The following HELLS variants were observed in gnomAD, a reference collection of about 807,000 sequenced individuals.
HELLS encodes the protein helicase, lymphoid specific, also known as lymphoid-specific helicase.
Under a neutral mutation model 120.0 loss-of-function variants are expected in HELLS, and 32 were observed. That is an observed-to-expected ratio of 0.27 (90% CI 0.20 to 0.36). The LOEUF is 0.36. HELLS is among the 10% of genes least tolerant of loss of function. HELLS has a pLI of 1.00. For missense variants in HELLS, 650 were observed against 993.4 expected, an observed-to-expected ratio of 0.65 and a Z score of 4.65; for synonymous variants, 341 against 323.4, an observed-to-expected ratio of 1.05 and a Z score of -0.58.
chr10:94,546,266 T>G, intron 1 of HELLS, 111 bp from the exon 2 acceptor site: 1 of 1,333,460 alleles, frequency 7.5e-7, no homozygotes, highest in South Asian at 1.2e-5. Context: ...CCCCTCGGTC[T>G]TCAGCTTTTG....
intron 10 of HELLS, among the ~76,000 whole-genome samples, chr10:94,577,994 C>G (rs898652582): frequency 7.1e-6 from 1 of 141,206 alleles, no homozygotes; most frequent in African/African-American, 2.6e-5. Context: ...ACCCGGGAAG[C>G]GGAGCTTGCA....
chr10:94,574,153 G>A lies in HELLS; in HGVS notation c.671G>A (p.Arg224Gln), dbSNP rs1466354150. Residue 224 changes from arginine to glutamine, a missense_variant, in exon 8 of 22, where the codon CGA (arginine) becomes CAA (glutamine). Transcript: ENST00000348459. ...QPKHFTGGVM[R>Q]WYQVEGMEWL... is the part of the protein sequence containing the mutation. Reference sequence around the variant, plus strand: ...AAGCACTTCACTGGAGGAGTGATGCGATGGTACCAAGTAGAAGGCATGGAA... The same window carrying A: ...AAGCACTTCACTGGAGGAGTGATGCAATGGTACCAAGTAGAAGGCATGGAA... 2.5e-6 allele frequency: 4 copies of A among 1,613,650 alleles called. No homozygotes were observed. Among genetic ancestry groups the A allele is most frequent in the Middle Eastern group, 1.6e-4 (1 of 6,080 alleles).
At chr10:94,577,676 C>T (rs1232707134) in intron 10 of HELLS, 1 of 152,214 alleles carries the variant, frequency 6.6e-6, no homozygotes, top group Admixed American at 6.6e-5. Context: ...CCAGTAATTC[C>T]AGCACTTGGG....
chr10:94,563,206 C>T (rs1455048976), intron 6 of HELLS, among the ~76,000 whole-genome samples: 1 of 152,030 alleles, frequency 6.6e-6, no homozygotes, highest in Non-Finnish European at 1.5e-5. Flanking sequence ...AGCGATTCTC[C>T]TGTCTCAGCC....
intron 15 of HELLS, among the ~76,000 whole-genome samples, chr10:94,591,971 A>G (rs1845510166): frequency 6.6e-6 from 1 of 152,202 alleles, no homozygotes; most frequent in South Asian, 2.1e-4. Flanking sequence ...TTCTTTCACA[A>G]TGACTTTGAG....
At position 94,592,594 on chromosome 10, in the gene HELLS, A is replaced by G. The variant is rs541958950; in HGVS notation, c.1971+80A>G. Reference sequence around the variant, plus strand: ...ATTTCTGAAGTAATATTCCAAATAGACCCACAAATTGATAAAAAGATAGAA... The same window carrying G: ...ATTTCTGAAGTAATATTCCAAATAGGCCCACAAATTGATAAAAAGATAGAA... On this transcript the variant is annotated intron_variant, in intron 17 of 21. Transcript: ENST00000348459. 19 of 944,220 alleles carry G rather than the reference A, an allele frequency of 2.0e-5. 1 individual carries two copies. In the South Asian group the frequency reaches 5.4e-4, roughly 27 times the overall value. 58.5% of individuals were successfully genotyped at this position (944,220 alleles called of 1,614,324 possible).
intron 10 of HELLS, among the ~76,000 whole-genome samples, chr10:94,577,890 T>C (rs926943875): frequency 6.6e-6 from 1 of 151,772 alleles, no homozygotes; most frequent in Non-Finnish European, 1.5e-5. Context: ...TGAAACCCCG[T>C]CTCTACTAAA....
chr10:94,595,227 CAAAAA>C (rs35805834), intron 19 of HELLS, among the ~76,000 whole-genome samples: 2 of 145,696 alleles, frequency 1.4e-5, no homozygotes, highest in Non-Finnish European at 3.0e-5. Flanking sequence ...GACTCTGTCT[CAAAAA>C]AAAAAATATT....
At chr10:94,585,944 A>G (rs1177735757) in intron 12 of HELLS, among the ~76,000 whole-genome samples, 2 of 152,118 alleles carry the variant, frequency 1.3e-5, no homozygotes, top group Admixed American at 6.6e-5. Flanking sequence ...TAGGAAAAAC[A>G]TATATAAATA....
chr10:94,563,559 T>C (rs1021752082), intron 6 of HELLS, among the ~76,000 whole-genome samples: 1 of 152,098 alleles, frequency 6.6e-6, no homozygotes, highest in Admixed American at 6.6e-5. Flanking sequence ...CAATCATGGC[T>C]CACTGCAGCC....
At position 94,573,990 on chromosome 10, in the gene HELLS, G is replaced by A; in HGVS notation, c.508G>A (p.Val170Met). 1.2e-6 allele frequency: 2 copies of A among 1,609,778 alleles called. No individual in the cohort carries two copies. Among genetic ancestry groups the A allele is most frequent in the Non-Finnish European group, 8.5e-7 (1 of 1,176,270 alleles). The change falls in exon 8 of 22, where the codon GTG (valine) becomes ATG (methionine). Residue 170 changes from valine to methionine, a missense_variant. Transcript: ENST00000348459. Reference protein sequence around the residue: ...DENSSSTNLCVEDLQKNKDSN... With the variant: ...DENSSSTNLCMEDLQKNKDSN... ...AAACTCCTCCTCTACTAATCTCTGTGTGGAAGATCTTCAGAAAAATAAAGA... is the reference window on the plus strand; with the variant it reads ...AAACTCCTCCTCTACTAATCTCTGTATGGAAGATCTTCAGAAAAATAAAGA...
Position 94,573,947 on chromosome 10 carries a change from T to C in HELLS, c.478-13T>C. 6.5e-7 allele frequency: 1 copy of C among 1,531,728 alleles called. No individual in the cohort carries two copies. 94.9% of individuals were successfully genotyped at this position (1,531,728 alleles called of 1,614,324 possible). On this transcript the variant is annotated splice_polypyrimidine_tract_variant and intron_variant, in intron 7 of 21. Transcript: ENST00000348459. ...TTGTATAACACATCTTATTAAACTTTTTTTCTCTACAGGATGAAAACTCCT... is the reference window on the plus strand; with the variant it reads ...TTGTATAACACATCTTATTAAACTTCTTTTCTCTACAGGATGAAAACTCCT...
At chr10:94,610,090 G>T (rs1846174493) in exon 10 of HELLS, 1 of 152,066 alleles carries the variant, frequency 6.6e-6, no homozygotes, top group Non-Finnish European at 1.5e-5. Flanking sequence ...TTTGGTCTTA[G>T]CTCACATTTC....
At position 94,546,401 on chromosome 10, in the gene HELLS, A is replaced by G; in HGVS notation, c.56A>G (p.Glu19Gly). 1 of 1,614,142 alleles carries G rather than the reference A, an allele frequency of 6.2e-7. No individual in the cohort carries two copies. The highest frequency in any genetic ancestry group is 8.5e-7 in the Non-Finnish European group (1 of 1,180,020). Residue 19 changes from glutamate (E) to glycine (G), a missense_variant, in exon 2 of 22, where the codon GAA (glutamate) becomes GGA (glycine). Coordinates refer to ENST00000348459, the MANE Select transcript of HELLS (RefSeq NM_018063.5). ...GGCTCGGAGGCTCCAGCAATGGTTG[A>G]ACAACTGGACACTGCTGTGATTACC... is the stretch of plus-strand genomic sequence containing the variant. ...SGGSEAPAMV[E>G]QLDTAVITPA...
chr10:94,596,601 T>A (rs1037840735), intron 19 of HELLS, among the ~76,000 whole-genome samples: 2 of 152,208 alleles, frequency 1.3e-5, no homozygotes, highest in African/African-American at 4.8e-5. Context: ...TACAAGTCTT[T>A]GTGGACATAA....
chr10:94,584,630 CACTT>C (rs1455539127), intron 12 of HELLS, among the ~76,000 whole-genome samples: 1 of 152,090 alleles, frequency 6.6e-6, no homozygotes, highest in Non-Finnish European at 1.5e-5. Context: ...TAGAATTTGT[CACTT>C]ACACGTTACC....
chr10:94,589,897 C>T (rs1424698304), intron 13 of HELLS, among the ~76,000 whole-genome samples: 1 of 151,918 alleles, frequency 6.6e-6, no homozygotes, highest in Non-Finnish European at 1.5e-5. Context: ...CCATGGTAGC[C>T]AGGATGGTCT....
intron 10 of HELLS, among the ~76,000 whole-genome samples, chr10:94,579,713 T>G (rs1844723555): frequency 6.6e-6 from 1 of 151,906 alleles, no homozygotes; most frequent in South Asian, 2.1e-4. Flanking sequence ...GACTGATTCT[T>G]GTATTTTTTT....
chr10:94,593,740 G>A (rs113880175), intron 18 of HELLS, 125 bp downstream of exon 18: 10,245 of 594,652 alleles, frequency 0.017, 472 homozygotes, highest in African/African-American at 0.11. Context: ...TCGGCTCACT[G>A]CAACCTTCAC....
Sources: allele counts gnomAD v4.1 joint callset (sites outside exome capture counted in the v4.1 genomes callset), GRCh38; gene constraint gnomAD v4.1.1; transcripts MANE v1.5; gene names NCBI Gene and HGNC (gene_info 2026-07-23, HGNC 2026-07-21).